The following WWOX variants were observed in gnomAD, a reference collection of about 807,000 sequenced individuals.
WWOX encodes WW domain containing oxidoreductase.
A neutral mutation model predicts 46.2 loss-of-function variants in WWOX; 69 were observed. The observed-to-expected ratio is 1.49, with a 90% CI of 1.23 to 1.82. The LOEUF is 1.82. WWOX is among the 40% of genes most tolerant of loss of function. The pLI, the probability that WWOX is intolerant of heterozygous loss-of-function variation, is 0.00. For synonymous variants in WWOX, 359 were observed against 202.6 expected (o/e 1.77, Z -6.56); for missense variants, 919 against 542.6 (o/e 1.69, Z -6.89).
chr16:78,652,036 G>A (rs1488248002), intron 8 of WWOX, among the ~76,000 whole-genome samples: 1 of 152,130 alleles, frequency 6.6e-6, no homozygotes, highest in African/African-American at 2.4e-5. Flanking sequence ...TCCTAGGACT[G>A]TTTTAAAGGA....
chr16:78,955,728 G>T (rs989054297), intron 8 of WWOX, among the ~76,000 whole-genome samples: 1 of 151,098 alleles, frequency 6.6e-6, no homozygotes, highest in Non-Finnish European at 1.5e-5. Flanking sequence ...AATCATGGCA[G>T]CCTCAGCCTC....
chr16:78,959,056 T>G (rs921289915), intron 8 of WWOX, among the ~76,000 whole-genome samples: 1 of 152,194 alleles, frequency 6.6e-6, no homozygotes, highest in African/African-American at 2.4e-5. Context: ...GTAATGTTTT[T>G]AAAAATGCTT....
intron 8 of WWOX, among the ~76,000 whole-genome samples, chr16:78,590,665 T>G (rs1394605347): frequency 1.3e-5 from 2 of 152,144 alleles, no homozygotes; most frequent in East Asian, 1.9e-4. Flanking sequence ...GTTTAGAAAT[T>G]TAAAGCCTTT....
At chr16:78,858,496 G>C (rs1418442029) in intron 8 of WWOX, among the ~76,000 whole-genome samples, 1 of 152,060 alleles carries the variant, frequency 6.6e-6, no homozygotes, top group African/African-American at 2.4e-5. Flanking sequence ...ACACATAGCT[G>C]AATGTTTTTG....
At chr16:78,805,525 C>T (rs1049486178) in intron 8 of WWOX, among the ~76,000 whole-genome samples, 3 of 151,960 alleles carry the variant, frequency 2.0e-5, no homozygotes, top group Non-Finnish European at 2.9e-5. Context: ...CATCGTGATC[C>T]GCCCGCCTCA....
intron 8 of WWOX, among the ~76,000 whole-genome samples, chr16:79,132,529 A>T (rs2049901205): frequency 1.3e-5 from 2 of 152,144 alleles, no homozygotes; most frequent in Admixed American, 1.3e-4. Flanking sequence ...TTTCAGGAAT[A>T]TTCTGAGTTT....
In WWOX at chr16:78,661,725, G is replaced by T. The variant is rs1318738768; in HGVS notation, c.1056+228973G>T. 2.0e-5 allele frequency among the ~76,000 whole-genome samples: 3 copies of T among 152,322 alleles called. No individual in the cohort carries two copies. The South Asian group carries it at 6.2e-4, about 32-fold the overall frequency. ...GGGCAGTGCAAATTGTTTCTGGACT[G>T]ATGCCATCTTTTAATAATAGTAGTT... On this transcript the variant is annotated intron_variant, in intron 8 of 8. Coordinates refer to ENST00000566780, the MANE Select transcript of WWOX (RefSeq NM_016373.4).
At chr16:78,397,274 G>A (rs996086287) in intron 6 of WWOX, among the ~76,000 whole-genome samples, 1 of 152,144 alleles carries the variant, frequency 6.6e-6, no homozygotes, top group East Asian at 1.9e-4. Context: ...ATTGGAGTAT[G>A]GAACCATATA....
At chr16:78,627,702 C>G (rs2046341431) in intron 8 of WWOX, among the ~76,000 whole-genome samples, 1 of 152,128 alleles carries the variant, frequency 6.6e-6, no homozygotes, top group African/African-American at 2.4e-5. Context: ...GATGCAAATC[C>G]TGGGAAGACT....
intron 4 of WWOX, among the ~76,000 whole-genome samples, chr16:78,137,770 G>A (rs1015583268): frequency 2.2e-5 from 3 of 136,806 alleles, no homozygotes; most frequent in Non-Finnish European, 5.0e-5. Flanking sequence ...CAGCTCTTAG[G>A]TAGTGTGCAA....
At chr16:78,652,227 T>C (rs555392409) in intron 8 of WWOX, among the ~76,000 whole-genome samples, 2 of 139,600 alleles carry the variant, frequency 1.4e-5, no homozygotes, top group Non-Finnish European at 1.6e-5. Flanking sequence ...CTGGCCAATA[T>C]GGTGAAACCT....
At chr16:79,127,170 C>T (rs1195275946) in intron 8 of WWOX, among the ~76,000 whole-genome samples, 1 of 151,846 alleles carries the variant, frequency 6.6e-6, no homozygotes, top group East Asian at 1.9e-4. Context: ...TACCTATGTG[C>T]ATATATAAAA....
intron 5 of WWOX, among the ~76,000 whole-genome samples, chr16:78,386,574 C>T (rs187727189): frequency 3.7e-4 from 56 of 152,174 alleles, no homozygotes; most frequent in African/African-American, 1.2e-3. Context: ...AACGTTAGCC[C>T]GAAGCGCCTT....
chr16:78,772,916 T>A (rs1361429094), intron 8 of WWOX, among the ~76,000 whole-genome samples: 1 of 152,084 alleles, frequency 6.6e-6, no homozygotes, highest in African/African-American at 2.4e-5. Flanking sequence ...TCCCAATTAC[T>A]CAGGAGGTGG....
chr16:79,080,565 C>G (rs1375252941), intron 8 of WWOX, among the ~76,000 whole-genome samples: 1 of 152,224 alleles, frequency 6.6e-6, no homozygotes. Context: ...ACCAGATTGT[C>G]TAACACTGAA....
chr16:78,257,644 C>A (rs546049355), intron 5 of WWOX, among the ~76,000 whole-genome samples: 1 of 152,058 alleles, frequency 6.6e-6, no homozygotes, highest in East Asian at 1.9e-4. Context: ...TCTACCGCAG[C>A]GGTTTTTTCC....
chr16:78,686,808 G>C (rs535361424), intron 8 of WWOX, among the ~76,000 whole-genome samples: 72 of 152,290 alleles, frequency 4.7e-4, no homozygotes, highest in African/African-American at 1.7e-3. Context: ...TGCAGAAACT[G>C]TTTTCTCTGG....
At chr16:79,138,376 C>G (rs1301427274) in intron 8 of WWOX, among the ~76,000 whole-genome samples, 1 of 152,196 alleles carries the variant, frequency 6.6e-6, no homozygotes, top group African/African-American at 2.4e-5. Context: ...CTTCAGTACG[C>G]TGCCCAGTGC....
At chr16:79,040,531 C>T (rs894463852) in intron 8 of WWOX, among the ~76,000 whole-genome samples, 35 of 152,144 alleles carry the variant, frequency 2.3e-4, no homozygotes, top group Non-Finnish European at 4.1e-4. Flanking sequence ...CTACCTTGGC[C>T]CCACAAAGTG....
Sources: gnomAD v4.1 joint callset for allele counts (sites outside exome capture counted in the v4.1 genomes callset) on GRCh38, gnomAD v4.1.1 for gene constraint, MANE v1.5 for transcripts, NCBI Gene and HGNC (gene_info 2026-07-23, HGNC 2026-07-21) for gene names.